Variants in SCML1 observed in about 807,000 individuals in gnomAD.
SCML1 encodes the protein sex comb on midleg-like protein 1.
For missense variants in SCML1, 137 were observed against 258.1 expected (o/e 0.53, Z 3.22); for synonymous variants, 104 against 103.6 (o/e 1.00, Z -0.02).
intron 1 of SCML1, among the ~76,000 whole-genome samples, chrX:17,741,143 TTTTTC>T (rs2066591252): frequency 1.8e-5 from 2 of 111,786 alleles, no homozygotes; most frequent in Admixed American, 1.9e-4. Flanking sequence ...TGGAAGACAA[TTTTTC>T]CACAGATGCA....
intron 2 of SCML1, chrX:17,745,106 G>C (rs1340070135): frequency 7.5e-6 from 1 of 132,753 alleles, no homozygotes. Flanking sequence ...GAGGGGCACT[G>C]TTGGATTATT....
chrX:17,749,386 T>C lies in SCML1; in HGVS notation c.199-14T>C, dbSNP rs1053049041. On this transcript the variant is annotated splice_polypyrimidine_tract_variant and intron_variant, in intron 4 of 7. Coordinates refer to ENST00000380041, the MANE Select transcript of SCML1 (RefSeq NM_001037540.3). ...ATTGTATACCAATTATATGACTACATTGTATTATAATAGGTTATATATGAT... is the reference window on the plus strand; with the variant it reads ...ATTGTATACCAATTATATGACTACACTGTATTATAATAGGTTATATATGAT... 1.7e-5 allele frequency: 16 copies of C among 924,096 alleles called. No individual in the cohort carries two copies. The highest frequency in any genetic ancestry group is 2.4e-5 in the Non-Finnish European group (16 of 659,047). The allele number at this position is 924,096 out of a possible 1,213,427, so 76.2% of individuals were successfully genotyped here.
intron 1 of SCML1, among the ~76,000 whole-genome samples, chrX:17,740,542 C>G (rs954743021): frequency 9.0e-6 from 1 of 111,467 alleles, no homozygotes; most frequent in Non-Finnish European, 1.9e-5. Flanking sequence ...GTTCAACTTA[C>G]TTACACAGCT....
chrX:17,741,870 A>G (rs995221266), intron 1 of SCML1, among the ~76,000 whole-genome samples: 1 of 111,812 alleles, frequency 8.9e-6, no homozygotes, highest in Non-Finnish European at 1.9e-5. Context: ...AAATGAGGAC[A>G]GTAATAGAAC....
At position 17,753,958 on chromosome X, in the gene SCML1, T is replaced by TA. The variant is rs1321192443; in HGVS notation, c.*572dup. 1 of 112,305 alleles carries TA rather than the reference T, an allele frequency of 8.9e-6. No individual in the cohort carries two copies. The highest frequency in any genetic ancestry group is 3.2e-5 in the African/African-American group (1 of 30,956). The allele number at this position is 112,305 out of a possible 1,213,427, so 9.3% of individuals were successfully genotyped here. A position where few individuals can be genotyped will look rare whatever the true frequency, so the allele number is the denominator to read the frequency against. ...ATGTTTTATTTATTCAGATTTAGAG[T>TA]AAAAAATAAGCATATAAACTTTTAT... is the stretch of plus-strand genomic sequence containing the variant. On this transcript the variant is annotated 3_prime_UTR_variant, in exon 8 of 8. Transcript: ENST00000380041.
At position 17,746,004 on chromosome X, in the gene SCML1, T is replaced by A. The variant is rs370223686; in HGVS notation, c.118-14T>A. 2.9e-5 allele frequency: 32 copies of A among 1,116,193 alleles called. No individual in the cohort carries two copies. The African/African-American group carries it at 4.9e-4, about 17-fold the overall frequency. 92.0% of individuals were successfully genotyped at this position (1,116,193 alleles called of 1,213,427 possible). Reference sequence around the variant, plus strand: ...ACAGAAATAAATCATTAACTACTTTTAAAATATTAGCAGGAACCGAATATT... The same window carrying A: ...ACAGAAATAAATCATTAACTACTTTAAAAATATTAGCAGGAACCGAATATT... On this transcript the variant is annotated splice_polypyrimidine_tract_variant and intron_variant, in intron 3 of 7. Transcript: ENST00000380041.
At chrX:17,739,848 C>CAAAA (rs747850155) in intron 1 of SCML1, among the ~76,000 whole-genome samples, 9 of 32,822 alleles carry the variant, frequency 2.7e-4, no homozygotes, top group East Asian at 1.4e-3. Flanking sequence ...GACTCTGTCT[C>CAAAA]AAAAAAAAAA....
chrX:17,747,936 C>T (rs1413680470), intron 4 of SCML1, among the ~76,000 whole-genome samples: 4 of 111,440 alleles, frequency 3.6e-5, no homozygotes, highest in Non-Finnish European at 7.5e-5. Context: ...TTGACCCCAA[C>T]CATGTTCCCC....
chrX:17,747,143 CCT>C (rs2066649925), intron 4 of SCML1, among the ~76,000 whole-genome samples: 1 of 111,761 alleles, frequency 8.9e-6, no homozygotes, highest in South Asian at 3.7e-4. Context: ...CTGGGGCAGT[CCT>C]CTCCTCCGAG....
intron 1 of SCML1, among the ~76,000 whole-genome samples, chrX:17,743,675 G>A (rs115309105): frequency 9.0e-6 from 1 of 111,568 alleles, no homozygotes; most frequent in Non-Finnish European, 1.9e-5. Flanking sequence ...ACATAGTCGG[G>A]GGGGACCCAA....
At chrX:17,737,785 G>A in intron 1 of SCML1, 105 bp downstream of exon 1, 1 of 111,965 alleles carries the variant, frequency 8.9e-6, no homozygotes, top group East Asian at 2.8e-4. Flanking sequence ...TTTGCTTTGC[G>A]GGGAAGAGCG....
chrX:17,744,011 A>G (rs193042515), intron 1 of SCML1, 60 bp from the exon 2 acceptor site: 112 of 380,703 alleles, frequency 2.9e-4, no homozygotes, highest in African/African-American at 2.4e-3. Flanking sequence ...TTCTGAGAGT[A>G]TATCCATATT....
rs1569330616 is a variant in SCML1 at position 17,750,201 on chromosome X, G to A, written c.611G>A (p.Gly204Asp). ...PYYASDGATY[G>D]SSSGLCLGNP... is the part of the protein sequence containing the mutation. Reference sequence around the variant, plus strand: ...TATGCATCTGATGGTGCAACGTATGGTTCTTCTTCAGGGCTCTGCCTTGGC... The same window carrying A: ...TATGCATCTGATGGTGCAACGTATGATTCTTCTTCAGGGCTCTGCCTTGGC... Residue 204 changes from glycine to aspartate, a missense_variant, in exon 6 of 8, where the codon GGT becomes GAT. Gly to Asp is a moderately conservative substitution (Grantham distance 94). Transcript: ENST00000380041. 4.1e-6 allele frequency: 5 copies of A among 1,211,868 alleles called. No homozygotes were observed. Among genetic ancestry groups the A allele is most frequent in the Non-Finnish European group, 5.6e-6 (5 of 895,431 alleles).
chrX:17,746,171 G>A (rs2066640697), intron 4 of SCML1, 73 bp downstream of exon 4: 1 of 551,798 alleles, frequency 1.8e-6, no homozygotes, highest in Non-Finnish European at 2.9e-6. Flanking sequence ...TCACATAAAG[G>A]GAAAGTGTAC....
At chrX:17,753,126 C>T (rs911963404) in intron 7 of SCML1, 132 bp from the exon 8 acceptor site, 20 of 397,661 alleles carry the variant, frequency 5.0e-5, no homozygotes, top group South Asian at 1.2e-4. Flanking sequence ...ATAAAGTAGA[C>T]GCATATTCAG....
At chrX:17,739,997 T>C (rs1479236047) in intron 1 of SCML1, among the ~76,000 whole-genome samples, 1 of 111,462 alleles carries the variant, frequency 9.0e-6, no homozygotes, top group African/African-American at 3.3e-5. Context: ...TAAGGCAATG[T>C]TGTAAAGCTG....
chrX:17,739,730 C>T (rs182108985), intron 1 of SCML1, among the ~76,000 whole-genome samples: 2 of 106,778 alleles, frequency 1.9e-5, no homozygotes, highest in African/African-American at 6.9e-5. Flanking sequence ...AAGCCTGTTA[C>T]GCTAACTACT....
intron 2 of SCML1, chrX:17,744,560 T>C (rs1410560234): frequency 6.6e-6 from 1 of 150,927 alleles, no homozygotes; most frequent in African/African-American, 3.1e-5. Context: ...TCCTTCAAGT[T>C]GAATCAGTAT....
In SCML1 at chrX:17,744,235, G is replaced by GA. The variant is rs778557320; in HGVS notation, c.33+20dup. 6.8e-6 allele frequency: 8 copies of GA among 1,182,105 alleles called. No individual in the cohort carries two copies. In the East Asian group the frequency reaches 2.1e-4, roughly 31 times the overall value. On this transcript the variant is annotated intron_variant, in intron 2 of 7. Transcript: ENST00000380041. ...AATCGATGTGGTTTGTATTCAAATT[G>GA]AAAATCTGTCTTTGTTCTTTTTACT...
Sources: allele counts gnomAD v4.1 joint callset (sites outside exome capture counted in the v4.1 genomes callset), GRCh38; gene constraint gnomAD v4.1.1; transcripts MANE v1.5; gene names NCBI Gene and HGNC (gene_info 2026-07-23, HGNC 2026-07-21).